SORCS2: variants seen among roughly 807,000 people sequenced by gnomAD.
SORCS2 encodes the protein VPS10 domain-containing receptor SorCS2.
Under a neutral mutation model 141.6 loss-of-function variants are expected in SORCS2, and 100 were observed. The ratio of observed to expected loss-of-function variants is 0.71; its 90% CI spans 0.60 to 0.83. SORCS2 has a LOEUF of 0.83. SORCS2 is among the 40% of genes least tolerant of loss of function. The pLI is 0.00. For synonymous variants in SORCS2, 789 were observed against 676.9 expected, an observed-to-expected ratio of 1.17 and a Z score of -2.57; for missense variants, 1,646 against 1,560.2, an observed-to-expected ratio of 1.05 and a Z score of -0.93.
intron 1 of SORCS2, among the ~76,000 whole-genome samples, chr4:7,246,963 C>G (rs113858324): frequency 1.5e-3 from 232 of 152,348 alleles, no homozygotes; most frequent in African/African-American, 5.2e-3. Flanking sequence ...GGTCCCCTTC[C>G]TTATTCCCCA....
At chr4:7,511,844 G>T (rs1356330559) in intron 2 of SORCS2, among the ~76,000 whole-genome samples, 7 of 152,158 alleles carry the variant, frequency 4.6e-5, no homozygotes, top group Non-Finnish European at 8.8e-5. Flanking sequence ...CCTGTTTCCA[G>T]TTAAGACTCT....
intron 3 of SORCS2, among the ~76,000 whole-genome samples, chr4:7,624,777 C>T (rs751179760): frequency 1.3e-5 from 2 of 152,238 alleles, no homozygotes; most frequent in Non-Finnish European, 2.9e-5. Flanking sequence ...GCACTCTGCC[C>T]AAGCAAACAG....
intron 1 of SORCS2, among the ~76,000 whole-genome samples, chr4:7,310,104 C>A (rs772965299): frequency 1.3e-5 from 2 of 152,170 alleles, no homozygotes; most frequent in Non-Finnish European, 2.9e-5. Flanking sequence ...GGAACAGGAG[C>A]AGCAGGGAAG....
intron 2 of SORCS2, among the ~76,000 whole-genome samples, chr4:7,519,610 G>A (rs1161352463): frequency 6.6e-6 from 1 of 152,238 alleles, no homozygotes; most frequent in African/African-American, 2.4e-5. Flanking sequence ...GCCTGTGCCT[G>A]TAAAACTTGG....
At chr4:7,364,624 T>G (rs1449204803) in intron 1 of SORCS2, among the ~76,000 whole-genome samples, 1 of 152,156 alleles carries the variant, frequency 6.6e-6, no homozygotes. Context: ...TTGAGAATGA[T>G]TTTTGTTCAT....
Position 7,664,254 on chromosome 4 carries a change from A to C in SORCS2, c.953-99A>C. The C allele has an allele frequency of 1.1e-6, 1 of 927,882 alleles. No homozygotes were observed. Among genetic ancestry groups the C allele is most frequent in the Non-Finnish European group, 1.6e-6 (1 of 608,160 alleles). The allele number at this position is 927,882 out of a possible 1,614,324, so 57.5% of individuals were successfully genotyped here. Reference sequence around the variant, plus strand: ...GAATTCAAGCCCATGAAGCCACACCACAGCGGTATTGGAGGAAGATGGAGT... The same window carrying C: ...GAATTCAAGCCCATGAAGCCACACCCCAGCGGTATTGGAGGAAGATGGAGT... On this transcript the variant is annotated intron_variant, in intron 6 of 26. Coordinates refer to ENST00000507866, the MANE Select transcript of SORCS2 (RefSeq NM_020777.3). This position sits in a 1 kb window ranked among gnomAD's most constrained non-coding sequence, Gnocchi z 4.7.
At position 7,452,545 on chromosome 4, in the gene SORCS2, G is replaced by A. The variant is rs530875691; in HGVS notation, c.548+56190G>A. ...CACCCCCAACTGCATGCAGTTTTCC[G>A]GGAGCCCTGCCCCAGCCTTCTGTAA... On this transcript the variant is annotated intron_variant, in intron 2 of 26. Coordinates refer to ENST00000507866, the MANE Select transcript of SORCS2 (RefSeq NM_020777.3). 3.1e-3 allele frequency among the ~76,000 whole-genome samples: 475 copies of A among 152,226 alleles called. 3 individuals are homozygous for A. Among genetic ancestry groups the A allele is most frequent in the African/African-American group, 0.011 (457 of 41,534 alleles).
At chr4:7,603,191 G>A (rs554202503) in intron 3 of SORCS2, among the ~76,000 whole-genome samples, 19 of 152,102 alleles carry the variant, frequency 1.2e-4, no homozygotes, top group Admixed American at 2.6e-4. Flanking sequence ...AGGGGGAGGG[G>A]GAGGGGGAGA....
At chr4:7,470,795 C>T (rs144752857) in intron 2 of SORCS2, among the ~76,000 whole-genome samples, 18 of 152,360 alleles carry the variant, frequency 1.2e-4, no homozygotes, top group East Asian at 3.9e-4. Flanking sequence ...AGGCCTGTGA[C>T]GCTCTGACCA....
At chr4:7,330,050 C>A (rs780866447) in intron 1 of SORCS2, among the ~76,000 whole-genome samples, 2 of 151,840 alleles carry the variant, frequency 1.3e-5, no homozygotes, top group Non-Finnish European at 2.9e-5. Context: ...TGGTCCCTTG[C>A]CTCCCCCAGC....
At chr4:7,515,307 G>A (rs1448474372) in intron 2 of SORCS2, among the ~76,000 whole-genome samples, 4 of 152,220 alleles carry the variant, frequency 2.6e-5, no homozygotes, top group Non-Finnish European at 5.9e-5. Context: ...CTGTCTTGGA[G>A]TAATATCATT....
At chr4:7,385,235 C>T (rs1356257842) in intron 1 of SORCS2, among the ~76,000 whole-genome samples, 1 of 152,196 alleles carries the variant, frequency 6.6e-6, no homozygotes, top group Non-Finnish European at 1.5e-5. Context: ...GTGATACCCA[C>T]CCCTCCCCTC....
intron 2 of SORCS2, among the ~76,000 whole-genome samples, chr4:7,450,964 G>A: frequency 6.6e-6 from 1 of 151,864 alleles, no homozygotes; most frequent in South Asian, 2.1e-4. Context: ...GGATGGGAGA[G>A]TGAGTGAATG....
intron 1 of SORCS2, among the ~76,000 whole-genome samples, chr4:7,301,797 A>T (rs1460850714): frequency 6.6e-6 from 1 of 152,330 alleles, no homozygotes; most frequent in East Asian, 1.9e-4. Context: ...GTCGCTCTGC[A>T]TGTTTCTGGA....
At chr4:7,503,937 T>C (rs903510387) in intron 2 of SORCS2, among the ~76,000 whole-genome samples, 1 of 152,122 alleles carries the variant, frequency 6.6e-6, no homozygotes, top group African/African-American at 2.4e-5. Flanking sequence ...GAGAAGAGCT[T>C]TCCTCTGCCA....
intron 2 of SORCS2, among the ~76,000 whole-genome samples, chr4:7,515,146 C>T (rs757425430): frequency 3.3e-5 from 5 of 152,220 alleles, no homozygotes; most frequent in Non-Finnish European, 7.3e-5. Context: ...GCCTCTCACC[C>T]TGGAGATAAC....
At chr4:7,638,619 G>C (rs1487222009) in intron 4 of SORCS2, 127 bp downstream of exon 4, 2 of 955,980 alleles carry the variant, frequency 2.1e-6, no homozygotes, top group Non-Finnish European at 3.0e-6. Context: ...GGAGCCTCCC[G>C]GGGCTGGGGG....
intron 1 of SORCS2, among the ~76,000 whole-genome samples, chr4:7,379,296 G>C (rs1376919153): frequency 1.3e-5 from 2 of 152,182 alleles, no homozygotes; most frequent in Admixed American, 6.5e-5. Flanking sequence ...GAGGGCAGGA[G>C]GGAGGGCAGG....
intron 2 of SORCS2, among the ~76,000 whole-genome samples, chr4:7,525,600 A>G (rs1733618670): frequency 6.6e-6 from 1 of 151,836 alleles, no homozygotes; most frequent in Non-Finnish European, 1.5e-5. Flanking sequence ...GGCAGCCCCA[A>G]GTCATGCCAA....
Sources: gnomAD v4.1 joint callset for allele counts (sites outside exome capture counted in the v4.1 genomes callset) on GRCh38, gnomAD v4.1.1 for gene constraint, Gnocchi (gnomAD v3.1) non-coding constraint, MANE v1.5 for transcripts, NCBI Gene and HGNC (gene_info 2026-07-23, HGNC 2026-07-21) for gene names.